VWA3B: variants seen among roughly 807,000 people sequenced by gnomAD.
VWA3B encodes the protein von Willebrand factor A domain-containing protein 3B.
A neutral mutation model predicts 158.3 loss-of-function variants in VWA3B; 138 were observed. The observed-to-expected ratio is 0.87, with a 90% confidence interval of 0.76 to 1.00. VWA3B has a LOEUF of 1.00. Ranked by LOEUF, VWA3B falls within the 50% of genes least tolerant of loss-of-function variation. The probability of loss-of-function intolerance (pLI) is 0.00; values close to 1 mark genes in which losing one functional copy is unlikely to be tolerated. For missense variants in VWA3B, 1,555 were observed against 1,565.1 expected (o/e 0.99, Z 0.11); for synonymous variants, 596 against 587.3 (o/e 1.01, Z -0.21).
At chr2:98,270,979 C>A (rs80205946) in intron 22 of VWA3B, 96 bp downstream of exon 22, 1 of 1,213,492 alleles carries the variant, frequency 8.2e-7, no homozygotes, top group African/African-American at 1.5e-5. Flanking sequence ...TCCCACTCCC[C>A]GCCACACTGA....
At chr2:98,165,878 A>G (rs1215911846) in intron 8 of VWA3B, among the ~76,000 whole-genome samples, 2 of 152,172 alleles carry the variant, frequency 1.3e-5, no homozygotes, top group Non-Finnish European at 2.9e-5. Flanking sequence ...ATGAACACCA[A>G]GCAGGGGACC....
rs766463125 is a variant in VWA3B at position 98,093,067 on chromosome 2, G to T, written c.-26G>T. The stretch of plus-strand genomic sequence containing the variant: ...TTTATGATTGCCCTTACAGGAGTTT[G>T]CTGTGACTTAGATCTTGATTCAGAG... On this transcript the variant is annotated 5_prime_UTR_variant, in exon 2 of 28. Coordinates refer to ENST00000477737, the MANE Select transcript of VWA3B (RefSeq NM_144992.5). The T allele has an allele frequency of 2.5e-6, 4 of 1,607,606 alleles. No homozygotes were observed. The highest frequency in any genetic ancestry group is 2.2e-5 in the East Asian group (1 of 44,756).
intron 16 of VWA3B, among the ~76,000 whole-genome samples, chr2:98,233,000 T>G (rs1207058297): frequency 6.6e-6 from 1 of 152,176 alleles, no homozygotes; most frequent in Non-Finnish European, 1.5e-5. Flanking sequence ...AACTGGAGAT[T>G]GGCCCTCTTG....
At chr2:98,284,598 C>A (rs1364471522) in intron 22 of VWA3B, among the ~76,000 whole-genome samples, 1 of 152,182 alleles carries the variant, frequency 6.6e-6, no homozygotes, top group Non-Finnish European at 1.5e-5. Flanking sequence ...ATAACTATAG[C>A]ATGGCAAATA....
intron 22 of VWA3B, among the ~76,000 whole-genome samples, chr2:98,290,238 G>A (rs987934175): frequency 6.6e-6 from 1 of 152,174 alleles, no homozygotes; most frequent in African/African-American, 2.4e-5. Context: ...GCATGAGAGA[G>A]AGAGTGAAAG....
intron 16 of VWA3B, among the ~76,000 whole-genome samples, chr2:98,230,444 T>C (rs1312467538): frequency 6.6e-6 from 1 of 152,210 alleles, no homozygotes; most frequent in Non-Finnish European, 1.5e-5. Context: ...ACCAGGATAT[T>C]GATATTGATG....
intron 15 of VWA3B, among the ~76,000 whole-genome samples, chr2:98,229,324 G>A (rs1177284289): frequency 6.6e-6 from 1 of 152,238 alleles, no homozygotes; most frequent in Non-Finnish European, 1.5e-5. Flanking sequence ...GGGGGGCACA[G>A]TGCGGGCACA....
At chr2:98,149,051 A>T (rs1424212217) in intron 7 of VWA3B, among the ~76,000 whole-genome samples, 4 of 152,162 alleles carry the variant, frequency 2.6e-5, no homozygotes, top group Admixed American at 2.6e-4. Context: ...GTATTTACTG[A>T]CATTCTAAGC....
At chr2:98,161,209 G>A (rs141089629) in intron 7 of VWA3B, among the ~76,000 whole-genome samples, 225 of 152,326 alleles carry the variant, frequency 1.5e-3, no homozygotes, top group African/African-American at 5.3e-3. Context: ...TCAGCCAAGG[G>A]GCAGGGACTG....
rs536909066 is a variant in VWA3B at position 98,137,277 on chromosome 2, C to A, written c.988+3338C>A. Among the ~76,000 whole-genome samples the A allele has an allele frequency of 4.6e-5, 7 of 152,268 alleles. No individual in the cohort carries two copies. The South Asian group carries it at 1.5e-3, about 32-fold the overall frequency. On this transcript the variant is annotated intron_variant, in intron 7 of 27. Transcript: ENST00000477737. ...ATTTTACATTCCTACCAACAGTGCA[C>A]AAAGTTCCCACATCCTGGCCAACAC...
intron 7 of VWA3B, among the ~76,000 whole-genome samples, chr2:98,154,720 C>T (rs1013786034): frequency 1.3e-5 from 2 of 152,176 alleles, no homozygotes; most frequent in Non-Finnish European, 2.9e-5. Flanking sequence ...ACCTAACACA[C>T]GGGGCAGAGA....
chr2:98,225,480 C>T (rs1361521382), intron 14 of VWA3B, among the ~76,000 whole-genome samples: 1 of 152,270 alleles, frequency 6.6e-6, no homozygotes, highest in South Asian at 2.1e-4. Flanking sequence ...TCAATACCTA[C>T]AGCTAAAGTC....
In VWA3B at chr2:98,228,339, A is replaced by T; in HGVS notation, c.2150+7A>T. ...AAAAGGATGGAGACAGCAAGTGAGC[A>T]CCTCTGCCCGCCTGTCTCCCTGCGC... On this transcript the variant is annotated splice_region_variant and intron_variant, in intron 15 of 27. Coordinates refer to ENST00000477737, the MANE Select transcript of VWA3B (RefSeq NM_144992.5). The T allele has an allele frequency of 6.2e-7, 1 of 1,600,714 alleles. No homozygotes were observed. Among genetic ancestry groups the T allele is most frequent in the South Asian group, 1.1e-5 (1 of 88,794 alleles).
intron 20 of VWA3B, 77 bp downstream of exon 20, chr2:98,250,513 T>C (rs1686733904): frequency 1.7e-6 from 2 of 1,198,702 alleles, no homozygotes; most frequent in African/African-American, 3.2e-5. Context: ...TTGTTTTAGC[T>C]TAGCTTTTTT....
intron 12 of VWA3B, among the ~76,000 whole-genome samples, chr2:98,196,242 T>C (rs533573112): frequency 6.6e-6 from 1 of 152,268 alleles, no homozygotes; most frequent in African/African-American, 2.4e-5. Context: ...TATTGTATAC[T>C]TGAAAATTGT....
chr2:98,324,018 A>G, the VWA3B span, among the ~76,000 whole-genome samples: 1 of 152,230 alleles, frequency 6.6e-6, no homozygotes, highest in Admixed American at 6.5e-5. Flanking sequence ...CTCTGAATGA[A>G]GACTTACAGT....
At chr2:98,154,581 A>T (rs981479945) in intron 7 of VWA3B, among the ~76,000 whole-genome samples, 4 of 152,092 alleles carry the variant, frequency 2.6e-5, no homozygotes, top group African/African-American at 9.7e-5. Flanking sequence ...TGGCTGCACT[A>T]CGTCTTGTTT....
intron 12 of VWA3B, 125 bp downstream of exon 12, chr2:98,194,617 T>A: frequency 8.6e-7 from 1 of 1,158,072 alleles, no homozygotes; most frequent in Non-Finnish European, 1.2e-6. Context: ...GCTTAACATG[T>A]AGACTTTTGT....
intron 21 of VWA3B, among the ~76,000 whole-genome samples, chr2:98,257,326 G>C (rs1430466574): frequency 6.6e-6 from 1 of 151,948 alleles, no homozygotes; most frequent in Non-Finnish European, 1.5e-5. Flanking sequence ...TGGCTGAATA[G>C]TATTCCATTG....
Sources: allele counts gnomAD v4.1 joint callset (sites outside exome capture counted in the v4.1 genomes callset), GRCh38; gene constraint gnomAD v4.1.1; transcripts MANE v1.5; gene names NCBI Gene and HGNC (gene_info 2026-07-23, HGNC 2026-07-21).